Variants in PTPRD observed in about 807,000 individuals in gnomAD.
The protein encoded by PTPRD is protein tyrosine phosphatase receptor type D.
Under a neutral mutation model 214.5 loss-of-function variants are expected in PTPRD, and 34 were observed. The ratio of observed to expected loss-of-function variants is 0.16; its 90% CI spans 0.12 to 0.21. The LOEUF (loss-of-function observed/expected upper bound fraction) is 0.21, where lower values mean the gene tolerates loss of function less well. PTPRD is among the 10% of genes least tolerant of loss of function. The pLI is 1.00. For missense variants in PTPRD, 2,545 were observed against 2,398.7 expected, an observed-to-expected ratio of 1.06 and a Z score of -1.27; for synonymous variants, 1,128 against 845.7, an observed-to-expected ratio of 1.33 and a Z score of -5.79.
chr9:9,257,252 G>T (rs923124722), intron 9 of PTPRD, among the ~76,000 whole-genome samples: 1 of 151,884 alleles, frequency 6.6e-6, no homozygotes, highest in Non-Finnish European at 1.5e-5. Context: ...GGAGGAGAGG[G>T]AGTGGAAGTT....
chr9:9,241,858 T>C (rs565890657), intron 9 of PTPRD, among the ~76,000 whole-genome samples: 1 of 152,024 alleles, frequency 6.6e-6, no homozygotes, highest in Admixed American at 6.6e-5. Flanking sequence ...AAGGGTAATA[T>C]TGTTATGTGT....
At position 8,581,619 on chromosome 9, in the gene PTPRD, A is replaced by C. The variant is rs574557716; in HGVS notation, c.352+51698T>G. Among the ~76,000 whole-genome samples, 189 of 152,142 alleles carry C rather than the reference A, an allele frequency of 1.2e-3. 2 individuals are homozygous for C. The highest frequency in any genetic ancestry group is 3.9e-3 in the African/African-American group (163 of 41,536). ...AAAAATTAGCTGGGCATGGTGGCAG[A>C]TGCCTGTAGTCCCAGCTACTTGGGA... On this transcript the variant is annotated intron_variant, in intron 14 of 45. Transcript: ENST00000381196.
intron 10 of PTPRD, among the ~76,000 whole-genome samples, chr9:9,155,636 C>A (rs1177619334): frequency 6.6e-6 from 1 of 152,116 alleles, no homozygotes; most frequent in Admixed American, 6.6e-5. Flanking sequence ...CTACATTCAT[C>A]CTTGGAAGAA....
At chr9:8,718,126 T>C (rs897272218) in intron 12 of PTPRD, among the ~76,000 whole-genome samples, 3 of 152,198 alleles carry the variant, frequency 2.0e-5, no homozygotes, top group African/African-American at 7.2e-5. Flanking sequence ...AGAATGCTTG[T>C]AAAGCTGGAA....
intron 3 of PTPRD, among the ~76,000 whole-genome samples, chr9:10,043,705 A>G (rs1589595466): frequency 6.6e-6 from 1 of 151,968 alleles, no homozygotes; most frequent in Non-Finnish European, 1.5e-5. Context: ...AAGAAGAAAT[A>G]TGATGTTGCC....
At chr9:9,925,788 C>G (rs2153896016) in intron 5 of PTPRD, among the ~76,000 whole-genome samples, 1 of 152,092 alleles carries the variant, frequency 6.6e-6, no homozygotes, top group South Asian at 2.1e-4. Context: ...TAGATGATGA[C>G]TTGTGAGAAA....
At chr9:8,931,353 T>C (rs2098951156) in intron 11 of PTPRD, among the ~76,000 whole-genome samples, 2 of 152,116 alleles carry the variant, frequency 1.3e-5, no homozygotes, top group African/African-American at 4.8e-5. Flanking sequence ...CATGCTGTTT[T>C]GGTTTCTCTA....
chr9:8,762,332 T>A (rs944275743), intron 11 of PTPRD, among the ~76,000 whole-genome samples: 3 of 152,144 alleles, frequency 2.0e-5, no homozygotes, highest in African/African-American at 7.2e-5. Flanking sequence ...GCACCCTTAT[T>A]GTTAGGACTA....
chr9:10,603,275 T>C (rs2078439722), intron 2 of PTPRD, among the ~76,000 whole-genome samples: 2 of 151,848 alleles, frequency 1.3e-5, no homozygotes, highest in Admixed American at 1.3e-4. Context: ...CTCTCAACTT[T>C]GGGAGGAGAT....
rs536203929 is a variant in PTPRD, at chr9:9,673,694, A to G, written c.-287+60839T>C. On this transcript the variant is annotated intron_variant, in intron 7 of 45. Coordinates refer to ENST00000381196, the MANE Select transcript of PTPRD (RefSeq NM_002839.4). ...TAAAAATCTATAGATACAGGAATCAAAACCTATATTGAGAAGACAATTTAG... is the reference window on the plus strand; with the variant it reads ...TAAAAATCTATAGATACAGGAATCAGAACCTATATTGAGAAGACAATTTAG... Among the ~76,000 whole-genome samples, 7 of 151,706 alleles carry G rather than the reference A, an allele frequency of 4.6e-5. No individual in the cohort carries two copies. In the South Asian group the frequency reaches 1.5e-3, roughly 31 times the overall value.
intron 10 of PTPRD, among the ~76,000 whole-genome samples, chr9:9,055,722 T>C (rs905711953): frequency 6.6e-6 from 1 of 151,180 alleles, no homozygotes; most frequent in Non-Finnish European, 1.5e-5. Context: ...ATATTTTATA[T>C]ATATTTTATG....
At chr9:8,836,459 T>C (rs1016887998) in intron 11 of PTPRD, among the ~76,000 whole-genome samples, 16 of 152,184 alleles carry the variant, frequency 1.1e-4, no homozygotes, top group African/African-American at 3.6e-4. Flanking sequence ...CGACAACTGA[T>C]TATATTCTAA....
At chr9:9,312,926 T>C (rs989630460) in intron 9 of PTPRD, among the ~76,000 whole-genome samples, 3 of 152,220 alleles carry the variant, frequency 2.0e-5, no homozygotes, top group Non-Finnish European at 4.4e-5. Context: ...TTTGCAAACA[T>C]GTATTCCTTG....
chr9:8,465,703 A>C (rs374218581), intron 31 of PTPRD, 28 bp from the exon 32 acceptor site: 46 of 1,568,670 alleles, frequency 2.9e-5, no homozygotes, highest in Middle Eastern at 1.7e-4. Context: ...GAAACAGAAA[A>C]AGAACTGTAA....
intron 3 of PTPRD, among the ~76,000 whole-genome samples, chr9:10,104,767 A>T (rs542683667): frequency 6.6e-6 from 1 of 152,032 alleles, no homozygotes; most frequent in East Asian, 1.9e-4. Flanking sequence ...ATTTGTTCAA[A>T]AATATTTAAA....
intron 2 of PTPRD, among the ~76,000 whole-genome samples, chr9:10,431,376 C>A (rs1002700644): frequency 2.0e-5 from 3 of 151,940 alleles, no homozygotes; most frequent in Non-Finnish European, 4.4e-5. Context: ...TAGGCATGGG[C>A]AAGGACTTCA....
intron 5 of PTPRD, among the ~76,000 whole-genome samples, chr9:9,847,874 G>C (rs573422104): frequency 6.6e-6 from 1 of 152,088 alleles, no homozygotes; most frequent in Non-Finnish European, 1.5e-5. Flanking sequence ...ATACCTGCCT[G>C]TAGGTGATGT....
intron 8 of PTPRD, among the ~76,000 whole-genome samples, chr9:9,446,833 C>T (rs1321184968): frequency 6.6e-6 from 1 of 152,000 alleles, no homozygotes; most frequent in African/African-American, 2.4e-5. Flanking sequence ...AGGAAAAGAA[C>T]CACATTAAAA....
intron 2 of PTPRD, among the ~76,000 whole-genome samples, chr9:10,394,162 A>ATCTATGTATATATATC (rs1565754667): frequency 4.2e-5 from 6 of 143,234 alleles, no homozygotes; most frequent in African/African-American, 1.6e-4. Context: ...ATATATAGAT[A>ATCTATGTATATATATC]TATATACATA....
Sources: allele counts gnomAD v4.1 joint callset (sites outside exome capture counted in the v4.1 genomes callset), GRCh38; gene constraint gnomAD v4.1.1; transcripts MANE v1.5; gene names NCBI Gene and HGNC (gene_info 2026-07-23, HGNC 2026-07-21).